The following ATR variants were observed in gnomAD, a reference collection of about 807,000 sequenced individuals.
ATR encodes serine/threonine-protein kinase ATR.
In ATR, 142 loss-of-function variants were observed where a neutral mutation model predicts 305.3. The observed-to-expected ratio is 0.47, with a 90% CI of 0.41 to 0.53. The LOEUF is 0.53. Among genes scored for constraint, ATR ranks in the 20% least tolerant of loss-of-function variants. ATR has a pLI of 0.00. For synonymous variants in ATR, 1,050 were observed against 1,068.1 expected (o/e 0.98, Z 0.33); for missense variants, 2,135 against 3,133.1 (o/e 0.68, Z 7.60).
chr3:142,485,079 T>C, intron 36 of ATR, 61 bp downstream of exon 36: 1 of 1,595,900 alleles, frequency 6.3e-7, no homozygotes. Flanking sequence ...GTGATAACAG[T>C]TTCAATATTA....
At chr3:142,488,231 T>C (rs1200410554) in intron 35 of ATR, among the ~76,000 whole-genome samples, 2 of 152,206 alleles carry the variant, frequency 1.3e-5, no homozygotes, top group East Asian at 3.9e-4. Flanking sequence ...TTCCTACAAA[T>C]TTAGCTCCCT....
chr3:142,450,757 C>T, intron 46 of ATR: 1 of 1,510,992 alleles, frequency 6.6e-7, no homozygotes, highest in Non-Finnish European at 8.9e-7. Flanking sequence ...TCTTCAGCAC[C>T]CTAATATCAT....
At chr3:142,496,309 T>TACAC (rs1559937593) in intron 34 of ATR, 52 bp downstream of exon 34, 2 of 157,880 alleles carry the variant, frequency 1.3e-5, no homozygotes, top group African/African-American at 9.4e-5. Flanking sequence ...TATATATATA[T>TACAC]ATATATATAT....
chr3:142,556,692 A>G (rs2034686860), intron 8 of ATR, 117 bp from the exon 9 acceptor site: 1 of 963,522 alleles, frequency 1.0e-6, no homozygotes, highest in African/African-American at 1.7e-5. Flanking sequence ...ATAAAAGTCA[A>G]GTAACACTTA....
intron 21 of ATR, among the ~76,000 whole-genome samples, chr3:142,531,048 G>A (rs1294551689): frequency 1.3e-5 from 2 of 152,112 alleles, no homozygotes; most frequent in Non-Finnish European, 2.9e-5. Context: ...GAGCTCCACA[G>A]ATATCTCTGT....
chr3:142,505,974 T>C (rs756938041), intron 28 of ATR, among the ~76,000 whole-genome samples: 8 of 152,116 alleles, frequency 5.3e-5, no homozygotes, highest in Non-Finnish European at 1.2e-4. Context: ...AAGCAAATGA[T>C]GTCTTAATGA....
intron 1 of ATR, among the ~76,000 whole-genome samples, chr3:142,571,962 TCAC>T (rs2035278608): frequency 6.6e-6 from 1 of 151,692 alleles, no homozygotes; most frequent in Non-Finnish European, 1.5e-5. Flanking sequence ...AGACGGGGTT[TCAC>T]CATGTTGGCC....
At chr3:142,466,842 C>T (rs1035844332) in intron 39 of ATR, among the ~76,000 whole-genome samples, 11 of 152,108 alleles carry the variant, frequency 7.2e-5, no homozygotes, top group Non-Finnish European at 1.5e-4. Flanking sequence ...TGGGATACTC[C>T]AACAGGTTAC....
Position 142,516,594 on chromosome 3 carries a change from C to T in ATR, c.4383-1079G>A, listed in dbSNP as rs1361176464. ...TCAGCCAATGAGGTCATCTCCTATACCTCCTACTTCACAGAGTAAAAACAA... is the reference window on the plus strand; with the variant it reads ...TCAGCCAATGAGGTCATCTCCTATATCTCCTACTTCACAGAGTAAAAACAA... On this transcript the variant is annotated intron_variant, in intron 24 of 46. Coordinates refer to ENST00000350721, the MANE Select transcript of ATR (RefSeq NM_001184.4). Among the ~76,000 whole-genome samples the T allele has an allele frequency of 2.6e-5, 4 of 152,266 alleles. No homozygotes were observed. In the East Asian group the frequency reaches 7.7e-4, roughly 29 times the overall value.
chr3:142,498,705 G>C lies in ATR; in HGVS notation c.5450C>G (p.Thr1817Arg), dbSNP rs1489316950. Residue 1817 changes from threonine to arginine, a missense_variant, in exon 32 of 47, where the codon ACA becomes AGA. Physicochemically the swap from Thr to Arg is moderately conservative, Grantham distance 71 (BLOSUM62 -1). Transcript: ENST00000350721. Reference sequence around the variant, plus strand: ...TAGTTTCAGTGAGTCATAAAAAGCTGTGATATCTCTTTTTTTGGCTGATAA... The same window carrying C: ...TAGTTTCAGTGAGTCATAAAAAGCTCTGATATCTCTTTTTTTGGCTGATAA... ...LLLSAKKRDI[T>R]AFYDSLKLVR... 1 of 1,613,954 alleles carries C rather than the reference G, an allele frequency of 6.2e-7. No individual in the cohort carries two copies.
intron 36 of ATR, among the ~76,000 whole-genome samples, chr3:142,476,414 C>A (rs2071451432): frequency 6.6e-6 from 1 of 151,948 alleles, no homozygotes; most frequent in African/African-American, 2.4e-5. Flanking sequence ...AGATGTGTGG[C>A]ATTATTTCTG....
In ATR at chr3:142,562,571, T is replaced by A; in HGVS notation, c.831A>T (p.Leu277Phe). The stretch of plus-strand genomic sequence containing the variant: ...CAGTATCCATTTCTACAAGGTGTTT[T>A]AATAATTCCAAAAATGAGCTGAAAA... ...STFFSSFLEL[L>F]KHLVEMDTDQ... The change falls in exon 4 of 47, where the codon TTA becomes TTT. Residue 277 changes from leucine to phenylalanine, a missense_variant. Leu to Phe is a conservative substitution (Grantham distance 22). Coordinates refer to ENST00000350721, the MANE Select transcript of ATR (RefSeq NM_001184.4). 1 of 1,613,982 alleles carries A rather than the reference T, an allele frequency of 6.2e-7. No individual in the cohort carries two copies. The highest frequency in any genetic ancestry group is 2.2e-5 in the East Asian group (1 of 44,880).
rs766320939 is a variant in ATR, at chr3:142,449,619, T to G, written c.7762-17A>C. The G allele has an allele frequency of 6.2e-7, 1 of 1,612,582 alleles. No homozygotes were observed. Among genetic ancestry groups the G allele is most frequent in the African/African-American group, 1.3e-5 (1 of 74,878 alleles). ...GGTCTTGGCCTAAAAAGAAGAAACA[T>G]AAAACCAAAAACAGATGTTAATAAT... On this transcript the variant is annotated splice_polypyrimidine_tract_variant and intron_variant, in intron 46 of 46. Coordinates refer to ENST00000350721, the MANE Select transcript of ATR (RefSeq NM_001184.4).
chr3:142,469,288 T>C, intron 38 of ATR, 49 bp downstream of exon 38: 1 of 1,494,200 alleles, frequency 6.7e-7, no homozygotes, highest in South Asian at 1.2e-5. Context: ...CAAGTTCATA[T>C]AAAATGGTAA....
chr3:142,456,315 C>T (rs1352292924), intron 45 of ATR, among the ~76,000 whole-genome samples: 1 of 152,146 alleles, frequency 6.6e-6, no homozygotes, highest in Non-Finnish European at 1.5e-5. Flanking sequence ...TGCCTATAAT[C>T]CCAGCACTTT....
At chr3:142,573,203 T>C (rs1184940754) in intron 1 of ATR, among the ~76,000 whole-genome samples, 1 of 152,070 alleles carries the variant, frequency 6.6e-6, no homozygotes, top group East Asian at 1.9e-4. Context: ...CACAGCACTT[T>C]GGGAGGCTGA....
chr3:142,483,656 G>T (rs1016961025), intron 36 of ATR, among the ~76,000 whole-genome samples: 6 of 151,982 alleles, frequency 3.9e-5, no homozygotes, highest in Non-Finnish European at 7.4e-5. Flanking sequence ...GACCAACATG[G>T]TGAAACCCCG....
Position 142,550,319 on chromosome 3 carries a change from T to C in ATR, c.2806-17A>G. On this transcript the variant is annotated splice_polypyrimidine_tract_variant and intron_variant, in intron 13 of 46. Coordinates refer to ENST00000350721, the MANE Select transcript of ATR (RefSeq NM_001184.4). The stretch of plus-strand genomic sequence containing the variant: ...TACCAAAAACTAGAGCAAAAACCAT[T>C]TTATTGTGAGTTTTCACACAAAGAA... 6.2e-7 allele frequency: 1 copy of C among 1,612,928 alleles called. No homozygotes were observed. The highest frequency in any genetic ancestry group is 1.1e-5 in the South Asian group (1 of 91,070).
intron 40 of ATR, chr3:142,465,960 C>G: frequency 3.9e-6 from 1 of 256,246 alleles, no homozygotes; most frequent in Non-Finnish European, 7.5e-6. Flanking sequence ...GAGCTGAGAT[C>G]GCACCACTGT....
Sources: gnomAD v4.1 joint callset for allele counts (sites outside exome capture counted in the v4.1 genomes callset) on GRCh38, gnomAD v4.1.1 for gene constraint, MANE v1.5 for transcripts, NCBI Gene and HGNC (gene_info 2026-07-23, HGNC 2026-07-21) for gene names.